SEL1L: variants seen among roughly 807,000 people sequenced by gnomAD.
SEL1L encodes the protein SEL1L adaptor subunit of SYVN1 ubiquitin ligase.
Under a neutral mutation model 109.8 loss-of-function variants are expected in SEL1L, and 52 were observed. The ratio of observed to expected loss-of-function variants is 0.47; its 90% CI spans 0.38 to 0.60. The LOEUF (loss-of-function observed/expected upper bound fraction) is 0.60, where lower values mean the gene tolerates loss of function less well. SEL1L is among the 20% of genes least tolerant of loss of function. The pLI is 0.00. For synonymous variants in SEL1L, 373 were observed against 339.6 expected, an observed-to-expected ratio of 1.10 and a Z score of -1.08; for missense variants, 749 against 962.2, an observed-to-expected ratio of 0.78 and a Z score of 2.93.
chr14:81,529,823 G>A (rs1191153231), intron 1 of SEL1L, among the ~76,000 whole-genome samples: 1 of 152,162 alleles, frequency 6.6e-6, no homozygotes, highest in Non-Finnish European at 1.5e-5. Flanking sequence ...TTTTTAAAGA[G>A]TTGTTTATAA....
chr14:81,499,331 A>G, intron 8 of SEL1L, 128 bp downstream of exon 8: 1 of 1,434,600 alleles, frequency 7.0e-7, no homozygotes, highest in Non-Finnish European at 9.2e-7. Context: ...ATTTGAAGGA[A>G]GTTCAACTGA....
At chr14:81,493,930 T>C (rs145306537) in intron 11 of SEL1L, among the ~76,000 whole-genome samples, 35 of 152,338 alleles carry the variant, frequency 2.3e-4, no homozygotes, top group Non-Finnish European at 4.1e-4. Context: ...GCTGGTTATT[T>C]TTCTATCAGT....
At chr14:81,495,053 T>G in intron 11 of SEL1L, 28 bp downstream of exon 11, 1 of 1,606,390 alleles carries the variant, frequency 6.2e-7, no homozygotes. Context: ...AAAACTGAGA[T>G]GCAAAGCCCT....
intron 1 of SEL1L, among the ~76,000 whole-genome samples, chr14:81,530,172 C>T (rs996840422): frequency 6.6e-6 from 1 of 152,180 alleles, no homozygotes; most frequent in East Asian, 1.9e-4. Flanking sequence ...AGACTGATAA[C>T]CTTTAAACAC....
intron 6 of SEL1L, among the ~76,000 whole-genome samples, chr14:81,500,655 A>T (rs1883966407): frequency 6.6e-6 from 1 of 152,184 alleles, no homozygotes; most frequent in African/African-American, 2.4e-5. Context: ...TTATGAAGAC[A>T]ACTCCCGCTA....
At chr14:81,528,593 T>C (rs566472795) in intron 1 of SEL1L, among the ~76,000 whole-genome samples, 4 of 152,294 alleles carry the variant, frequency 2.6e-5, no homozygotes, top group East Asian at 1.9e-4. Context: ...GATTTTTGTA[T>C]TCCTTGCCAG....
intron 9 of SEL1L, 70 bp downstream of exon 9, chr14:81,498,343 A>AT (rs745501118): frequency 2.0e-4 from 265 of 1,295,634 alleles, no homozygotes; most frequent in Non-Finnish European, 2.7e-4. Context: ...AGAACAATAA[A>AT]AATAGAAATG....
intron 3 of SEL1L, among the ~76,000 whole-genome samples, chr14:81,520,712 T>C (rs1174865560): frequency 6.6e-6 from 1 of 152,214 alleles, no homozygotes; most frequent in East Asian, 1.9e-4. Flanking sequence ...TATTTACTAT[T>C]GGAAGAGTCC....
intron 20 of SEL1L, 28 bp downstream of exon 20, chr14:81,479,584 T>G: frequency 6.3e-7 from 1 of 1,581,500 alleles, no homozygotes; most frequent in Non-Finnish European, 8.6e-7. Flanking sequence ...CATTTATATT[T>G]TAATGAAAAG....
chr14:81,527,016 C>T lies in SEL1L; in HGVS notation c.109-52G>A, dbSNP rs774054652. On this transcript the variant is annotated intron_variant, in intron 2 of 20. Coordinates refer to ENST00000336735, the MANE Select transcript of SEL1L (RefSeq NM_005065.6). ...TCAACAATGCCAAGACTTTCCCCAA[C>T]CCTATTTGACCGTTATTTTTACTAA... 1.3e-4 allele frequency: 173 copies of T among 1,303,582 alleles called. 1 individual carries two copies. In the Middle Eastern group the frequency reaches 1.5e-3, roughly 11 times the overall value. 80.8% of individuals were successfully genotyped at this position (1,303,582 alleles called of 1,614,324 possible). A position where few individuals can be genotyped will look rare whatever the true frequency, so the allele number is the denominator to read the frequency against.
intron 3 of SEL1L, among the ~76,000 whole-genome samples, chr14:81,510,514 C>CTCTCTATATATATATATATA (rs35474067): frequency 1.8e-4 from 19 of 104,080 alleles, no homozygotes; most frequent in East Asian, 6.2e-4. Flanking sequence ...CTCTCTCTCT[C>CTCTCTATATATATATATATA]TATATATATA....
At chr14:81,485,283 T>C (rs1903482806) in intron 18 of SEL1L, among the ~76,000 whole-genome samples, 1 of 152,226 alleles carries the variant, frequency 6.6e-6, no homozygotes, top group South Asian at 2.1e-4. Flanking sequence ...AATTAATTAT[T>C]TTATTGTTTT....
At chr14:81,518,577 T>C (rs1196162028) in intron 3 of SEL1L, among the ~76,000 whole-genome samples, 1 of 148,602 alleles carries the variant, frequency 6.7e-6, no homozygotes, top group Non-Finnish European at 1.5e-5. Context: ...GGAGAATCGC[T>C]TGAACCCAGG....
chr14:81,495,198 A>AG, intron 10 of SEL1L, 61 bp from the exon 11 acceptor site: 1 of 1,448,232 alleles, frequency 6.9e-7, no homozygotes, highest in Non-Finnish European at 9.7e-7. Context: ...AATTAAAATC[A>AG]GACCAACAAG....
intron 11 of SEL1L, 47 bp downstream of exon 11, chr14:81,495,034 T>C (rs1883687235): frequency 6.4e-7 from 1 of 1,564,618 alleles, no homozygotes; most frequent in East Asian, 2.2e-5. Context: ...GGGAACATCA[T>C]TTCCTGCTAA....
At chr14:81,530,012 ATTATT>A (rs1885264317) in intron 1 of SEL1L, among the ~76,000 whole-genome samples, 1 of 152,238 alleles carries the variant, frequency 6.6e-6, no homozygotes, top group African/African-American at 2.4e-5. Flanking sequence ...AATGGTTCAT[ATTATT>A]TTATTAACTG....
rs1168671747 is a variant in SEL1L at position 81,495,065 on chromosome 14, GGAACAGGGT to G, written c.1185+7_1185+15del. ...GCTAAAACTGAGATGCAAAGCCCTA[GGAACAGGGT>G]AGTTACCTGATGATTCTGTTCTACT... On this transcript the variant is annotated splice_region_variant and intron_variant, in intron 11 of 20. Transcript: ENST00000336735. The G allele has an allele frequency of 6.2e-7, 1 of 1,612,366 alleles. No homozygotes were observed. Among genetic ancestry groups the G allele is most frequent in the African/African-American group, 1.3e-5 (1 of 74,862 alleles).
chr14:81,532,360 G>C (rs1464068673), intron 1 of SEL1L, among the ~76,000 whole-genome samples: 1 of 152,162 alleles, frequency 6.6e-6, no homozygotes, highest in African/African-American at 2.4e-5. Flanking sequence ...TGATGCAGGA[G>C]GTCCATGGTC....
chr14:81,494,425 C>A (rs895875009), intron 11 of SEL1L, among the ~76,000 whole-genome samples: 3 of 152,202 alleles, frequency 2.0e-5, no homozygotes, highest in Non-Finnish European at 4.4e-5. Flanking sequence ...ACTTTCTATA[C>A]TGCAGCCAAA....
Sources: gnomAD v4.1 joint callset for allele counts (sites outside exome capture counted in the v4.1 genomes callset) on GRCh38, gnomAD v4.1.1 for gene constraint, MANE v1.5 for transcripts, NCBI Gene and HGNC (gene_info 2026-07-23, HGNC 2026-07-21) for gene names.